PCDHA6: variants seen among roughly 807,000 people sequenced by gnomAD.
PCDHA6 encodes the protein protocadherin alpha-6.
A neutral mutation model predicts 60.3 loss-of-function variants in PCDHA6; 55 were observed. That is an observed-to-expected ratio of 0.91 (90% confidence interval 0.73 to 1.14). The LOEUF is 1.14. Ranked by LOEUF, PCDHA6 falls within the 50% of genes most tolerant of loss-of-function variation. The pLI is 0.00. For synonymous variants in PCDHA6, 652 were observed against 557.9 expected, an observed-to-expected ratio of 1.17 and a Z score of -2.38; for missense variants, 1,327 against 1,256.5, an observed-to-expected ratio of 1.06 and a Z score of -0.85.
chr5:140,877,016 G>A (rs781790454), intron 1 of PCDHA6: 2 of 1,612,362 alleles, frequency 1.2e-6, no homozygotes, highest in Non-Finnish European at 1.7e-6. Context: ...GCGGAGAGCG[G>A]CAAGGTGTAC....
At chr5:140,876,583 CT>C in intron 1 of PCDHA6, 1 of 1,614,194 alleles carries the variant, frequency 6.2e-7, no homozygotes, top group Non-Finnish European at 8.5e-7. Context: ...CGTCATTGCC[CT>C]GATTAGCGTG....
chr5:140,835,407 G>A (rs2150234983), intron 1 of PCDHA6: 1 of 1,613,974 alleles, frequency 6.2e-7, no homozygotes, highest in Non-Finnish European at 8.5e-7. Flanking sequence ...GGAAGTTGTG[G>A]ATGTAAATGA....
chr5:140,925,947 G>A (rs1447488918), intron 1 of PCDHA6, among the ~76,000 whole-genome samples: 1 of 152,066 alleles, frequency 6.6e-6, no homozygotes, highest in Non-Finnish European at 1.5e-5. Flanking sequence ...CTTGGAGAAG[G>A]AGAAACTGCT....
chr5:140,853,320 T>G lies in PCDHA6; in HGVS notation c.2394+22835T>G, dbSNP rs375907981. 1.5e-5 allele frequency: 15 copies of G among 984,926 alleles called. 1 individual carries two copies. The highest frequency in any genetic ancestry group is 5.3e-4 in the Middle Eastern group (1 of 1,886). The allele number at this position is 984,926 out of a possible 1,614,324, so 61.0% of individuals were successfully genotyped here. On this transcript the variant is annotated intron_variant, in intron 1 of 3. Coordinates refer to ENST00000529310, the MANE Select transcript of PCDHA6 (RefSeq NM_018909.4). ...GGGCTGTGAACACCTTAGTAATAAA[T>G]TTATCTTTTGAGGTCATTAGCAAAC...
intron 1 of PCDHA6, chr5:140,842,313 C>T (rs2150333932): frequency 2.5e-6 from 4 of 1,607,028 alleles, no homozygotes; most frequent in East Asian, 2.2e-5. Flanking sequence ...CCTCCCATGG[C>T]GGGTCATTGC....
chr5:140,908,754 A>G (rs1403008536), intron 1 of PCDHA6, among the ~76,000 whole-genome samples: 1 of 152,184 alleles, frequency 6.6e-6, no homozygotes, highest in African/African-American at 2.4e-5. Context: ...ACTTGCACAC[A>G]GCCTGGACGT....
At chr5:140,842,943 G>A (rs2150348424) in intron 1 of PCDHA6, 4 of 1,594,646 alleles carry the variant, frequency 2.5e-6, no homozygotes, top group Non-Finnish European at 3.4e-6. Context: ...CGCGACGCGG[G>A]CGTGCCGCCT....
chr5:140,928,821 C>T, intron 1 of PCDHA6: 2 of 1,614,142 alleles, frequency 1.2e-6, no homozygotes, highest in Non-Finnish European at 1.7e-6. Context: ...ACCATGGAGA[C>T]CCACCACTTT....
chr5:140,925,069 C>T (rs1240618705), intron 1 of PCDHA6, among the ~76,000 whole-genome samples: 1 of 149,418 alleles, frequency 6.7e-6, no homozygotes, highest in Non-Finnish European at 1.5e-5. Context: ...AACAAAGCAA[C>T]ACGCTCATCT....
chr5:140,955,359 C>A (rs1390938554), intron 1 of PCDHA6, among the ~76,000 whole-genome samples: 1 of 151,992 alleles, frequency 6.6e-6, no homozygotes, highest in African/African-American at 2.4e-5. Context: ...TGAGAGGGAC[C>A]CAGTGGGAGG....
chr5:140,959,729 C>T (rs910806194), intron 1 of PCDHA6, among the ~76,000 whole-genome samples: 3 of 152,126 alleles, frequency 2.0e-5, no homozygotes, highest in South Asian at 4.1e-4. Context: ...ATAACATTAT[C>T]TCATCAAAAT....
At chr5:140,886,276 A>T (rs1352172114) in intron 1 of PCDHA6, among the ~76,000 whole-genome samples, 3 of 152,062 alleles carry the variant, frequency 2.0e-5, no homozygotes, top group Admixed American at 1.3e-4. Flanking sequence ...AAAATTTTTT[A>T]AAATTATTTT....
intron 1 of PCDHA6, chr5:140,836,547 CG>C (rs2150263715): frequency 3.1e-6 from 5 of 1,613,738 alleles, no homozygotes; most frequent in Non-Finnish European, 3.4e-6. Context: ...CACGGCGTTG[CG>C]GTGCTCAGCG....
intron 1 of PCDHA6, among the ~76,000 whole-genome samples, chr5:140,903,298 A>G (rs1218115864): frequency 6.6e-6 from 1 of 152,170 alleles, no homozygotes; most frequent in Non-Finnish European, 1.5e-5. Context: ...TAGGAAATTT[A>G]GTATACAATA....
At chr5:140,968,639 G>T (rs1278507600) in intron 1 of PCDHA6, 1 of 1,614,150 alleles carries the variant, frequency 6.2e-7, no homozygotes, top group Non-Finnish European at 8.5e-7. Context: ...TTACCATCTA[G>T]CCCAGACTTC....
At chr5:140,980,856 G>A (rs559833499) in intron 2 of PCDHA6, among the ~76,000 whole-genome samples, 2 of 152,004 alleles carry the variant, frequency 1.3e-5, no homozygotes, top group African/African-American at 2.4e-5. Context: ...AATCTTTTTC[G>A]TATGTGTGCT....
At chr5:140,917,238 G>A (rs144302098) in intron 1 of PCDHA6, among the ~76,000 whole-genome samples, 1 of 150,440 alleles carries the variant, frequency 6.6e-6, no homozygotes, top group Non-Finnish European at 1.5e-5. Flanking sequence ...TTAAATCTAG[G>A]TACTACGATT....
intron 1 of PCDHA6, chr5:140,865,753 A>T (rs894037976): frequency 2.6e-5 from 4 of 152,218 alleles, no homozygotes; most frequent in Admixed American, 1.3e-4. Flanking sequence ...CAGTGCCAGT[A>T]CATGGTGGAG....
At chr5:140,996,077 G>A in intron 3 of PCDHA6, among the ~76,000 whole-genome samples, 1 of 152,218 alleles carries the variant, frequency 6.6e-6, no homozygotes, top group East Asian at 1.9e-4. Flanking sequence ...GATTCAAGAT[G>A]TTTTTGCTAG....
Sources: gnomAD v4.1 joint callset for allele counts (sites outside exome capture counted in the v4.1 genomes callset) on GRCh38, gnomAD v4.1.1 for gene constraint, MANE v1.5 for transcripts, NCBI Gene and HGNC (gene_info 2026-07-23, HGNC 2026-07-21) for gene names.